Variants in PRR5L observed in about 807,000 individuals in gnomAD.
PRR5L encodes the protein proline-rich protein 5-like.
In PRR5L, 21 loss-of-function variants were observed where a neutral mutation model predicts 36.4. The ratio of observed to expected loss-of-function variants is 0.58; its 90% confidence interval spans 0.41 to 0.83. The LOEUF (loss-of-function observed/expected upper bound fraction) is 0.83, where lower values mean the gene tolerates loss of function less well. PRR5L is among the 40% of genes least tolerant of loss of function. The pLI is 0.00. For missense variants in PRR5L, 381 were observed against 473.3 expected (o/e 0.80, Z 1.81); for synonymous variants, 188 against 197.0 (o/e 0.95, Z 0.38).
At chr11:36,460,342 G>A (rs918009737) in intron 8 of PRR5L, among the ~76,000 whole-genome samples, 5 of 152,208 alleles carry the variant, frequency 3.3e-5, no homozygotes, top group East Asian at 1.9e-4. Context: ...GCCAGGACCC[G>A]GCGCTGGGTC....
chr11:36,448,296 G>A (rs1023695582), intron 7 of PRR5L, among the ~76,000 whole-genome samples: 1 of 152,048 alleles, frequency 6.6e-6, no homozygotes. Context: ...GCTCTCCATG[G>A]GACGGCCTCA....
chr11:36,393,707 G>T (rs1857604407), intron 1 of PRR5L: 1 of 152,128 alleles, frequency 6.6e-6, no homozygotes, highest in African/African-American at 2.4e-5. Context: ...TTCTATTTCT[G>T]TGAAGAATGT....
At chr11:36,322,693 C>G (rs1017918326) in intron 1 of PRR5L, among the ~76,000 whole-genome samples, 2 of 152,294 alleles carry the variant, frequency 1.3e-5, no homozygotes, top group South Asian at 4.1e-4. Context: ...CTGAGGCAGC[C>G]CTTGCCCAGG....
At chr11:36,423,541 TGAG>T (rs1170330862) in intron 4 of PRR5L, among the ~76,000 whole-genome samples, 3 of 152,156 alleles carry the variant, frequency 2.0e-5, no homozygotes. Context: ...AAATCCAAAT[TGAG>T]GAGGAGAGAG....
At chr11:36,415,140 T>C (rs1272131483) in intron 3 of PRR5L, among the ~76,000 whole-genome samples, 3 of 151,952 alleles carry the variant, frequency 2.0e-5, no homozygotes, top group Admixed American at 2.0e-4. Flanking sequence ...TGAAGTCAGG[T>C]AGTGTGATGC....
In PRR5L at chr11:36,351,460, TATATTTATATATACATATATA is replaced by T. The variant is rs1565408020; in HGVS notation, c.-125-49536_-125-49516del. Reference sequence around the variant, plus strand: ...ATATACATATATATTTATATATTTATATATTTATATATACATATATATTTATATATTTATATATATTTTTAT... The same window carrying T: ...ATATACATATATATTTATATATTTATTTTATATATTTATATATATTTTTAT... On this transcript the variant is annotated intron_variant, in intron 1 of 8. Coordinates refer to ENST00000530639, the MANE Select transcript of PRR5L (RefSeq NM_001160167.2). Among the ~76,000 whole-genome samples, 230 of 67,228 alleles carry T rather than the reference TATATTTATATATACATATATA, an allele frequency of 3.4e-3. 63 individuals carry two copies. The highest frequency in any genetic ancestry group is 6.3e-3 in the African/African-American group (106 of 16,824). The allele number at this position is 67,228 out of a possible 152,430, so 44.1% of individuals were successfully genotyped here.
At chr11:36,348,236 T>C (rs1360290226) in intron 1 of PRR5L, among the ~76,000 whole-genome samples, 2 of 152,194 alleles carry the variant, frequency 1.3e-5, no homozygotes, top group Non-Finnish European at 2.9e-5. Flanking sequence ...ACCAAGGTGA[T>C]AGCTTGGCTG....
chr11:36,346,704 T>C (rs1856869506), intron 1 of PRR5L, among the ~76,000 whole-genome samples: 1 of 152,222 alleles, frequency 6.6e-6, no homozygotes, highest in African/African-American at 2.4e-5. Flanking sequence ...GCATTCATAT[T>C]ATGAAATACT....
chr11:36,324,297 A>G (rs1304378893), intron 1 of PRR5L, among the ~76,000 whole-genome samples: 2 of 150,406 alleles, frequency 1.3e-5, no homozygotes, highest in Non-Finnish European at 2.9e-5. Flanking sequence ...CCCAAAAAAT[A>G]TATACTGCAT....
intron 1 of PRR5L, among the ~76,000 whole-genome samples, chr11:36,398,231 C>T (rs573954899): frequency 6.6e-6 from 1 of 152,368 alleles, no homozygotes; most frequent in South Asian, 2.1e-4. Context: ...CTGCCTCGAG[C>T]ACCTTGGATG....
intron 1 of PRR5L, among the ~76,000 whole-genome samples, chr11:36,335,102 TTTAAGAC>T (rs1856755883): frequency 6.7e-6 from 1 of 148,384 alleles, no homozygotes; most frequent in Non-Finnish European, 1.5e-5. Context: ...TTTTTTTTCT[TTTAAGAC>T]AGAGTCTTAC....
chr11:36,315,344 T>A (rs1415240008), intron 1 of PRR5L, among the ~76,000 whole-genome samples: 1 of 152,224 alleles, frequency 6.6e-6, no homozygotes, highest in Admixed American at 6.5e-5. Flanking sequence ...AGAAAGCATA[T>A]TTGCCTCCTT....
chr11:36,310,262 A>G (rs1856486760), intron 1 of PRR5L, among the ~76,000 whole-genome samples: 1 of 152,238 alleles, frequency 6.6e-6, no homozygotes, highest in Non-Finnish European at 1.5e-5. Context: ...AAGCGCATCA[A>G]GAACTCCCGT....
chr11:36,321,498 C>T (rs1856613301), intron 1 of PRR5L: 1 of 152,262 alleles, frequency 6.6e-6, no homozygotes, highest in Non-Finnish European at 1.5e-5. Context: ...AATTGTGTCC[C>T]TAGAGGTTGG....
At position 36,383,862 on chromosome 11, in the gene PRR5L, AT is replaced by A. The variant is rs368950697; in HGVS notation, c.-125-17130del. ...AGGCGCCTGCCACCACGCCCAGCTA[AT>A]TTTTGTATCTTTAGTAGAGATGAGG... On this transcript the variant is annotated intron_variant, in intron 1 of 8. Coordinates refer to ENST00000530639, the MANE Select transcript of PRR5L (RefSeq NM_001160167.2). Among the ~76,000 whole-genome samples the A allele has an allele frequency of 2.3e-3, 347 of 151,912 alleles. 1 individual carries two copies. The highest frequency in any genetic ancestry group is 8.0e-3 in the African/African-American group (330 of 41,424).
intron 8 of PRR5L, among the ~76,000 whole-genome samples, chr11:36,458,271 A>G (rs144022702): frequency 3.3e-5 from 5 of 152,342 alleles, no homozygotes; most frequent in South Asian, 2.1e-4. Context: ...CACCTGAGAC[A>G]CAGCAGCGTG....
chr11:36,297,022 C>G (rs1856318514), intron 1 of PRR5L, among the ~76,000 whole-genome samples: 1 of 152,166 alleles, frequency 6.6e-6, no homozygotes, highest in Middle Eastern at 3.2e-3. Flanking sequence ...GTCCTTTGCC[C>G]TGTGCCAGGC....
In PRR5L at chr11:36,377,677, T is replaced by A. The variant is rs1213754698; in HGVS notation, c.-125-23320T>A. ...TCGGTCACATGCTGCCGCCGCCTCT[T>A]CCCCCGCGGTGCCGGGAGCCCGCGT... is the stretch of plus-strand genomic sequence containing the variant. On this transcript the variant is annotated intron_variant, in intron 1 of 8. Transcript: ENST00000530639. The surrounding 1 kb of genome is among the most constrained non-coding windows in gnomAD (Gnocchi z 5.1). 1 of 152,536 alleles carries A rather than the reference T, an allele frequency of 6.6e-6. No homozygotes were observed. The highest frequency in any genetic ancestry group is 1.5e-5 in the Non-Finnish European group (1 of 68,322). The allele number at this position is 152,536 out of a possible 1,614,324, so 9.4% of individuals were successfully genotyped here.
chr11:36,312,729 T>C (rs1430867521), intron 1 of PRR5L, among the ~76,000 whole-genome samples: 1 of 152,268 alleles, frequency 6.6e-6, no homozygotes, highest in Non-Finnish European at 1.5e-5. Flanking sequence ...TATTATGAAG[T>C]ATAACATACA....
Sources: allele counts gnomAD v4.1 joint callset (sites outside exome capture counted in the v4.1 genomes callset), GRCh38; gene constraint gnomAD v4.1.1; non-coding constraint Gnocchi (gnomAD v3.1); transcripts MANE v1.5; gene names NCBI Gene and HGNC (gene_info 2026-07-23, HGNC 2026-07-21).